The following ZNF532 variants were observed in gnomAD, a reference collection of about 807,000 sequenced individuals.
ZNF532 encodes zinc finger protein 532.
In ZNF532, 22 loss-of-function variants were observed where a neutral mutation model predicts 89.3. The ratio of observed to expected loss-of-function variants is 0.25; its 90% CI spans 0.18 to 0.35. The LOEUF is 0.35. Among genes scored for constraint, ZNF532 ranks in the 10% least tolerant of loss-of-function variants. The probability of loss-of-function intolerance (pLI) is 1.00; values close to 1 mark genes in which losing one functional copy is unlikely to be tolerated. For synonymous variants in ZNF532, 606 were observed against 649.6 expected (o/e 0.93, Z 1.02); for missense variants, 1,132 against 1,643.4 (o/e 0.69, Z 5.38).
At chr18:58,872,921 A>G (rs2057116662) in intron 2 of ZNF532, among the ~76,000 whole-genome samples, 1 of 151,372 alleles carries the variant, frequency 6.6e-6, no homozygotes, top group Non-Finnish European at 1.5e-5. Context: ...GATGGTCTCA[A>G]TCTCCTGACC....
At chr18:58,958,595 GT>G (rs1362374890) in intron 7 of ZNF532, among the ~76,000 whole-genome samples, 1 of 152,194 alleles carries the variant, frequency 6.6e-6, no homozygotes, top group Non-Finnish European at 1.5e-5. Flanking sequence ...TTACAGCATT[GT>G]GCCTTGCAGA....
chr18:58,868,982 A>C (rs1339762070), intron 2 of ZNF532, among the ~76,000 whole-genome samples: 1 of 152,220 alleles, frequency 6.6e-6, no homozygotes, highest in Non-Finnish European at 1.5e-5. Flanking sequence ...ACAGCATCTT[A>C]CTGTACTGCA....
intron 7 of ZNF532, among the ~76,000 whole-genome samples, chr18:58,968,450 G>C (rs2066137046): frequency 6.6e-6 from 1 of 152,160 alleles, no homozygotes; most frequent in Non-Finnish European, 1.5e-5. Context: ...CTTGGAGATT[G>C]GGTTCTGCTG....
upstream of ZNF532, chr18:58,864,761 T>C (rs1328724235): frequency 1.3e-5 from 2 of 152,292 alleles, no homozygotes; most frequent in Admixed American, 1.3e-4. Flanking sequence ...TTTCAGGGAC[T>C]TGTTGGCAAC....
chr18:58,975,360 C>T (rs981469165), intron 7 of ZNF532, among the ~76,000 whole-genome samples: 1 of 152,180 alleles, frequency 6.6e-6, no homozygotes, highest in Admixed American at 6.5e-5. Context: ...GATGTGGATG[C>T]CTTGCCAGAT....
intron 2 of ZNF532, among the ~76,000 whole-genome samples, chr18:58,907,562 C>A (rs1254591524): frequency 6.6e-6 from 1 of 151,740 alleles, no homozygotes. Context: ...GTGGTGCGAT[C>A]CCGGCGGAGA....
In ZNF532 at chr18:58,879,350, T is replaced by C. The variant is rs1326825769; in HGVS notation, c.-18+13771T>C. On this transcript the variant is annotated intron_variant, in intron 2 of 9. Coordinates refer to ENST00000591808, the MANE Select transcript of ZNF532 (RefSeq NM_001375912.1). Reference sequence around the variant, plus strand: ...TGAGAAGTGAGCTATGCATGTTTATTGGGTAAGTGTAAAAGCTGGCGGCAA... The same window carrying C: ...TGAGAAGTGAGCTATGCATGTTTATCGGGTAAGTGTAAAAGCTGGCGGCAA... Among the ~76,000 whole-genome samples, 4 of 152,342 alleles carry C rather than the reference T, an allele frequency of 2.6e-5. 1 individual carries two copies. The highest frequency in any genetic ancestry group is 3.9e-4 in the East Asian group (2 of 5,190).
At chr18:58,868,936 A>G (rs1008917283) in intron 2 of ZNF532, among the ~76,000 whole-genome samples, 2 of 152,256 alleles carry the variant, frequency 1.3e-5, no homozygotes, top group African/African-American at 4.8e-5. Flanking sequence ...CCTAGGCTAT[A>G]TGGTGTAGCC....
intron 3 of ZNF532, among the ~76,000 whole-genome samples, chr18:58,929,628 T>C (rs1180358857): frequency 1.3e-5 from 2 of 152,246 alleles, no homozygotes; most frequent in African/African-American, 4.8e-5. Context: ...GTAATAAGCA[T>C]GTAAGTAGAT....
chr18:58,914,086 G>T (rs1187443068), intron 2 of ZNF532, among the ~76,000 whole-genome samples: 2 of 152,216 alleles, frequency 1.3e-5, no homozygotes, highest in East Asian at 3.8e-4. Context: ...TGATTAAGGG[G>T]TGAATAGGTT....
intron 2 of ZNF532, among the ~76,000 whole-genome samples, chr18:58,895,336 AAG>A (rs1252035572): frequency 2.0e-5 from 3 of 152,246 alleles, no homozygotes; most frequent in African/African-American, 7.2e-5. Flanking sequence ...TGTTAGGGAA[AAG>A]AGAGTCCAGA....
chr18:58,973,346 G>T (rs1010512746), intron 7 of ZNF532, among the ~76,000 whole-genome samples: 3 of 152,292 alleles, frequency 2.0e-5, no homozygotes, highest in South Asian at 2.1e-4. Flanking sequence ...CAAGTGGTGC[G>T]CCCGCCTTGG....
At chr18:58,880,763 C>CTGTGTGTGTGTGTGTGTGTGTGTGTGT (rs770638520) in intron 2 of ZNF532, among the ~76,000 whole-genome samples, 1,261 of 119,516 alleles carry the variant, frequency 0.011, 42 homozygotes, top group Middle Eastern at 0.02. Flanking sequence ...CGCGCGCGCA[C>CTGTGTGTGTGTGTGTGTGTGTGTGTGT]GCGCGCGCGT....
At chr18:58,954,189 A>G (rs535780009) in intron 7 of ZNF532, 200 of 985,778 alleles carry the variant, frequency 2.0e-4, no homozygotes, top group Admixed American at 3.5e-4. Context: ...GAACATTGCC[A>G]GTAGCATTTG....
intron 2 of ZNF532, among the ~76,000 whole-genome samples, chr18:58,904,308 C>T (rs182924420): frequency 8.6e-5 from 13 of 151,108 alleles, no homozygotes; most frequent in South Asian, 2.1e-4. Flanking sequence ...GCCGAGATCA[C>T]GCCACTGCAT....
intron 7 of ZNF532, among the ~76,000 whole-genome samples, chr18:58,958,182 G>A (rs1467962429): frequency 6.6e-6 from 1 of 151,774 alleles, no homozygotes; most frequent in Non-Finnish European, 1.5e-5. Flanking sequence ...ACTTTCAGTG[G>A]TTTTTAACTT....
At chr18:58,912,718 G>A (rs962515755) in intron 2 of ZNF532, among the ~76,000 whole-genome samples, 3 of 152,190 alleles carry the variant, frequency 2.0e-5, no homozygotes, top group Admixed American at 2.0e-4. Context: ...CCTTCAGATG[G>A]CAAGTAATTA....
At chr18:58,943,687 T>C (rs2063414170) in intron 5 of ZNF532, among the ~76,000 whole-genome samples, 1 of 152,166 alleles carries the variant, frequency 6.6e-6, no homozygotes, top group African/African-American at 2.4e-5. Flanking sequence ...GGTCTCGATC[T>C]CTTTACCTTG....
In ZNF532 at chr18:58,936,236, A is replaced by G. The variant is rs191087655; in HGVS notation, c.2528+1622A>G. The stretch of plus-strand genomic sequence containing the variant: ...CTGGGATGTTACTGAGCAAAACAGG[A>G]TAATCAAAGGTGCCCCAGATCTGCA... On this transcript the variant is annotated intron_variant, in intron 4 of 9. Transcript: ENST00000591808. 1.5e-3 allele frequency among the ~76,000 whole-genome samples: 228 copies of G among 152,358 alleles called. 3 individuals carry two copies. Among genetic ancestry groups the G allele is most frequent in the African/African-American group, 5.3e-3 (221 of 41,586 alleles).
Sources: gnomAD v4.1 joint callset for allele counts (sites outside exome capture counted in the v4.1 genomes callset) on GRCh38, gnomAD v4.1.1 for gene constraint, MANE v1.5 for transcripts, NCBI Gene and HGNC (gene_info 2026-07-23, HGNC 2026-07-21) for gene names.